Variants in CARS1 observed in about 807,000 individuals in gnomAD.
CARS1 encodes the protein cysteinyl-tRNA synthetase 1.
A neutral mutation model predicts 106.2 loss-of-function variants in CARS1; 48 were observed. The observed-to-expected ratio is 0.45, with a 90% CI of 0.36 to 0.57. CARS1 has a LOEUF of 0.57. Among genes scored for constraint, CARS1 ranks in the 20% least tolerant of loss-of-function variants. CARS1 has a pLI of 0.00. For missense variants in CARS1, 968 were observed against 1,057.2 expected (o/e 0.92, Z 1.17); for synonymous variants, 409 against 403.4 (o/e 1.01, Z -0.17).
rs557094960 is a variant in CARS1, at chr11:3,022,441, C to A, written c.1154-2109G>T. On this transcript the variant is annotated intron_variant, in intron 10 of 22. Coordinates refer to ENST00000380525, the MANE Select transcript of CARS1 (RefSeq NM_001014437.3). This position sits in a 1 kb window ranked among gnomAD's most constrained non-coding sequence, Gnocchi z 4.9. ...AACCCCTCCCCAAATCTCAGGGAGG[C>A]GGATCTGAGGTTTCCTCCCATCTCC... Among the ~76,000 whole-genome samples the A allele has an allele frequency of 6.6e-6, 1 of 152,134 alleles. No homozygotes were observed. The highest frequency in any genetic ancestry group is 2.4e-5 in the African/African-American group (1 of 41,424).
At chr11:3,054,954 C>G (rs1177583122) in intron 1 of CARS1, 8 of 702,514 alleles carry the variant, frequency 1.1e-5, no homozygotes, top group Non-Finnish European at 1.8e-5. Context: ...CCCCAGAAAC[C>G]TCAGAAATGA....
intron 18 of CARS1, chr11:3,007,939 C>A (rs1850061949): frequency 6.6e-6 from 1 of 152,274 alleles, no homozygotes; most frequent in African/African-American, 2.4e-5. Context: ...GGGATGCCAA[C>A]CTATCTCAGA....
In CARS1 at chr11:3,038,257, A is replaced by C; in HGVS notation, c.652-58T>G. The C allele has an allele frequency of 7.4e-6, 11 of 1,489,250 alleles. No homozygotes were observed. The highest frequency in any genetic ancestry group is 1.0e-5 in the Non-Finnish European group (11 of 1,072,246). The allele number at this position is 1,489,250 out of a possible 1,614,324, so 92.3% of individuals were successfully genotyped here. On this transcript the variant is annotated intron_variant, in intron 6 of 22. Transcript: ENST00000380525. This position sits in a 1 kb window ranked among gnomAD's most constrained non-coding sequence, Gnocchi z 4.0. ...ATACTGCTCAGCAAAACCTAAATTCATAAAGGTGATTCCAGGTAGAAAACA... is the reference window on the plus strand; with the variant it reads ...ATACTGCTCAGCAAAACCTAAATTCCTAAAGGTGATTCCAGGTAGAAAACA...
chr11:3,046,634 G>A lies in CARS1; in HGVS notation c.274+1119C>T, dbSNP rs1379412591. On this transcript the variant is annotated intron_variant, in intron 2 of 22. Transcript: ENST00000380525. This position sits in a 1 kb window ranked among gnomAD's most constrained non-coding sequence, Gnocchi z 5.8. ...GAGGCCTGACCCACGGCAGAGGCGGGGGGGCATGTTCCCAATCCCAGGCCC... is the reference window on the plus strand; with the variant it reads ...GAGGCCTGACCCACGGCAGAGGCGGAGGGGCATGTTCCCAATCCCAGGCCC... Among the ~76,000 whole-genome samples, 1 of 152,142 alleles carries A rather than the reference G, an allele frequency of 6.6e-6. No homozygotes were observed. The highest frequency in any genetic ancestry group is 1.5e-5 in the Non-Finnish European group (1 of 68,002).
rs565455852 is a variant in CARS1, at chr11:3,006,809, C to T, written c.2149+70G>A. 1.7e-3 allele frequency: 2,081 copies of T among 1,224,482 alleles called. 4 individuals carry two copies. Among genetic ancestry groups the T allele is most frequent in the Non-Finnish European group, 2.3e-3 (1,863 of 825,562 alleles). The allele number at this position is 1,224,482 out of a possible 1,614,324, so 75.9% of individuals were successfully genotyped here. ...TGAAGCATGAGCCTCAGCCCAGCCCCGGGAGCTCTCCTTGTGACACCTCTC... is the reference window on the plus strand; with the variant it reads ...TGAAGCATGAGCCTCAGCCCAGCCCTGGGAGCTCTCCTTGTGACACCTCTC... On this transcript the variant is annotated intron_variant, in intron 19 of 22. Coordinates refer to ENST00000380525, the MANE Select transcript of CARS1 (RefSeq NM_001014437.3).
rs1287138250 is a variant in CARS1, at chr11:3,003,916, C to T, written c.2218-1316G>A. Among the ~76,000 whole-genome samples, 1 of 152,160 alleles carries T rather than the reference C, an allele frequency of 6.6e-6. No individual in the cohort carries two copies. ...GGGAAACAGGAGCTACTAGAAGTCA[C>T]AGGCCACAGCCAAGGTGGCCAGTGG... On this transcript the variant is annotated intron_variant, in intron 20 of 22. Transcript: ENST00000380525. The surrounding 1 kb of genome is among the most constrained non-coding windows in gnomAD (Gnocchi z 4.8).
At chr11:3,005,489 C>A in intron 19 of CARS1, 56 bp from the exon 20 acceptor site, 1 of 1,407,256 alleles carries the variant, frequency 7.1e-7, no homozygotes, top group Non-Finnish European at 1.0e-6. Context: ...GTCCCCACTG[C>A]GGGGCCAGCC....
At chr11:3,055,847 T>C (rs1233593800) in intron 1 of CARS1, among the ~76,000 whole-genome samples, 1 of 152,236 alleles carries the variant, frequency 6.6e-6, no homozygotes, top group Non-Finnish European at 1.5e-5. Context: ...TTCCCATCTA[T>C]TAATTCATTT....
At position 3,038,208 on chromosome 11, in the gene CARS1, A is replaced by G; in HGVS notation, c.652-9T>C. The G allele has an allele frequency of 6.2e-7, 1 of 1,613,184 alleles. No individual in the cohort carries two copies. The highest frequency in any genetic ancestry group is 8.5e-7 in the Non-Finnish European group (1 of 1,179,228). The stretch of plus-strand genomic sequence containing the variant: ...AATTTTACTGAAAATGGCTGCAACC[A>G]TAAAGAGACGTCAAATCTATTAGAT... On this transcript the variant is annotated splice_polypyrimidine_tract_variant and intron_variant, in intron 6 of 22. Transcript: ENST00000380525. This position sits in a 1 kb window ranked among gnomAD's most constrained non-coding sequence, Gnocchi z 4.0.
Position 3,039,930 on chromosome 11 carries a change from A to T in CARS1, c.457T>A (p.Ser153Thr), listed in dbSNP as rs1842250692. The change falls in exon 5 of 23, where the codon TCC becomes ACC. Residue 153 changes from serine (S) to threonine (T), a missense_variant and splice_region_variant. Ser to Thr is a moderately conservative substitution (Grantham distance 58). Transcript: ENST00000380525. The surrounding 1 kb of genome is among the most constrained non-coding windows in gnomAD (Gnocchi z 5.6). ...CTCAAGATATCAAAAGAGATGTAGG[A>T]CCTAAAGCAATGAAAAAACAAACAT... ...YDASHMGHAR[S>T]YISFDILRRV... The T allele has an allele frequency of 6.5e-7, 1 of 1,537,316 alleles. No homozygotes were observed. The highest frequency in any genetic ancestry group is 1.2e-5 in the South Asian group (1 of 83,594).
chr11:3,002,371 G>T, intron 21 of CARS1, 170 bp downstream of exon 21: 1 of 1,301,048 alleles, frequency 7.7e-7, no homozygotes, highest in South Asian at 1.4e-5. Context: ...TGCACCCCAT[G>T]TGAGAAGGGC....
chr11:3,039,973 T>C lies in CARS1; in HGVS notation c.456-42A>G, dbSNP rs1447553631. ...ACAAACATTTCCACACCAGACGATA[T>C]GTATAGCTTAACCTCCAACAACACG... is the stretch of plus-strand genomic sequence containing the variant. On this transcript the variant is annotated intron_variant, in intron 4 of 22. Coordinates refer to ENST00000380525, the MANE Select transcript of CARS1 (RefSeq NM_001014437.3). The surrounding 1 kb of genome is among the most constrained non-coding windows in gnomAD (Gnocchi z 5.6). 3.9e-6 allele frequency: 4 copies of C among 1,035,446 alleles called. No individual in the cohort carries two copies. The highest frequency in any genetic ancestry group is 5.8e-6 in the Non-Finnish European group (4 of 684,088). The allele number at this position is 1,035,446 out of a possible 1,614,324, so 64.1% of individuals were successfully genotyped here.
rs192157309 is a variant in CARS1 at position 3,032,032 on chromosome 11, C to T, written c.802-2589G>A. Reference sequence around the variant, plus strand: ...CCTCCCTCCCTCCCTCCCTCCCTCCCTCCCTCCCTCCCTCCCTCCCTCCCT... The same window carrying T: ...CCTCCCTCCCTCCCTCCCTCCCTCCTTCCCTCCCTCCCTCCCTCCCTCCCT... On this transcript the variant is annotated intron_variant, in intron 7 of 22. Transcript: ENST00000380525. 2.3e-3 allele frequency among the ~76,000 whole-genome samples: 138 copies of T among 61,062 alleles called. 34 individuals carry two copies. Among genetic ancestry groups the T allele is most frequent in the South Asian group, 4.9e-3 (8 of 1,626 alleles). 40.1% of individuals were successfully genotyped at this position (61,062 alleles called of 152,430 possible). A position where few individuals can be genotyped will look rare whatever the true frequency, so the allele number is the denominator to read the frequency against.
Position 3,044,408 on chromosome 11 carries a change from C to T in CARS1, c.275-2152G>A, listed in dbSNP as rs996986804. On this transcript the variant is annotated intron_variant, in intron 2 of 22. Coordinates refer to ENST00000380525, the MANE Select transcript of CARS1 (RefSeq NM_001014437.3). The surrounding 1 kb of genome is among the most constrained non-coding windows in gnomAD (Gnocchi z 4.4). ...AACTGAGAGATATCACATAAGGACC[C>T]TTGCCCCCCTTTTTTTTTTTTAGAT... is the stretch of plus-strand genomic sequence containing the variant. Among the ~76,000 whole-genome samples, 8 of 150,916 alleles carry T rather than the reference C, an allele frequency of 5.3e-5. No homozygotes were observed. The highest frequency in any genetic ancestry group is 2.0e-4 in the African/African-American group (8 of 40,276).
intron 17 of CARS1, among the ~76,000 whole-genome samples, chr11:3,014,616 G>C (rs1186030315): frequency 7.1e-6 from 1 of 140,658 alleles, no homozygotes; most frequent in African/African-American, 2.9e-5. Flanking sequence ...AAATATCTTA[G>C]TATCATTTGC....
rs748955404 is a variant in CARS1, at chr11:3,020,545, A to G, written c.1154-213T>C. Among the ~76,000 whole-genome samples, 2 of 152,202 alleles carry G rather than the reference A, an allele frequency of 1.3e-5. No individual in the cohort carries two copies. The highest frequency in any genetic ancestry group is 2.9e-5 in the Non-Finnish European group (2 of 68,044). On this transcript the variant is annotated intron_variant, in intron 10 of 22. Transcript: ENST00000380525. The surrounding 1 kb of genome is among the most constrained non-coding windows in gnomAD (Gnocchi z 4.6). ...ATTTACAAAACGGTACATAATCCCC[A>G]AAGTCACCAGCTTATATACCTGGCT...
rs1296569234 is a variant in CARS1, at chr11:3,038,810, TA to T, written c.651+383del. On this transcript the variant is annotated intron_variant, in intron 6 of 22. Coordinates refer to ENST00000380525, the MANE Select transcript of CARS1 (RefSeq NM_001014437.3). This position sits in a 1 kb window ranked among gnomAD's most constrained non-coding sequence, Gnocchi z 4.0. ...CTGAAAATTTACAGTATTACCAAATTAAAAAGCTTAGTATAGCTTTTGTATC... is the reference window on the plus strand; with the variant it reads ...CTGAAAATTTACAGTATTACCAAATTAAAAGCTTAGTATAGCTTTTGTATC... 2.0e-5 allele frequency among the ~76,000 whole-genome samples: 3 copies of T among 152,376 alleles called. No homozygotes were observed. The highest frequency in any genetic ancestry group is 2.0e-4 in the Admixed American group (3 of 15,314).
rs1851150634 is a variant in CARS1, at chr11:3,017,459, A to G, written c.1728-164T>C. 2 of 610,756 alleles carry G rather than the reference A, an allele frequency of 3.3e-6. No homozygotes were observed. Among genetic ancestry groups the G allele is most frequent in the African/African-American group, 1.8e-5 (1 of 54,296 alleles). 37.8% of individuals were successfully genotyped at this position (610,756 alleles called of 1,614,324 possible). A position where few individuals can be genotyped will look rare whatever the true frequency, so the allele number is the denominator to read the frequency against. ...GGAGTTCGAGACCAGCCTGACAAACATGGAGAGACCCCCACCTCTACTAAA... is the reference window on the plus strand; with the variant it reads ...GGAGTTCGAGACCAGCCTGACAAACGTGGAGAGACCCCCACCTCTACTAAA... On this transcript the variant is annotated intron_variant, in intron 15 of 22. Transcript: ENST00000380525. The surrounding 1 kb of genome is among the most constrained non-coding windows in gnomAD (Gnocchi z 4.9).
chr11:3,031,535 A>G (rs535498376), intron 7 of CARS1: 4 of 152,380 alleles, frequency 2.6e-5, no homozygotes, highest in African/African-American at 7.2e-5. Context: ...CCAGTTTCAC[A>G]TAAGTCAGGA....
Sources: allele counts gnomAD v4.1 joint callset (sites outside exome capture counted in the v4.1 genomes callset), GRCh38; gene constraint gnomAD v4.1.1; non-coding constraint Gnocchi (gnomAD v3.1); transcripts MANE v1.5; gene names NCBI Gene and HGNC (gene_info 2026-07-23, HGNC 2026-07-21).